Variants in ZFPM2 observed in about 807,000 individuals in gnomAD.
The protein encoded by ZFPM2 is zinc finger protein ZFPM2.
A neutral mutation model predicts 98.6 loss-of-function variants in ZFPM2; 20 were observed. That is an observed-to-expected ratio of 0.20 (90% CI 0.14 to 0.29). The LOEUF is 0.29. ZFPM2 is among the 10% of genes least tolerant of loss of function. ZFPM2 has a pLI of 1.00. For missense variants in ZFPM2, 1,310 were observed against 1,388.6 expected (o/e 0.94, Z 0.90); for synonymous variants, 518 against 502.7 (o/e 1.03, Z -0.41).
rs538838658 is a variant in ZFPM2 at position 105,521,111 on chromosome 8, GTGTA to G, written c.302-40248_302-40245del. On this transcript the variant is annotated intron_variant, in intron 3 of 7. Transcript: ENST00000407775. ...TGCTGTCTGAAATCCTGTAAAATTTGTGTATGTGTGTATATATATATACACACAC... is the reference window on the plus strand; with the variant it reads ...TGCTGTCTGAAATCCTGTAAAATTTGTGTGTGTATATATATATACACACAC... 2.3e-3 allele frequency among the ~76,000 whole-genome samples: 336 copies of G among 143,498 alleles called. 3 individuals carry two copies. Among genetic ancestry groups the G allele is most frequent in the African/African-American group, 8.8e-3 (319 of 36,314 alleles). The allele number at this position is 143,498 out of a possible 152,430, so 94.1% of individuals were successfully genotyped here. A position where few individuals can be genotyped will look rare whatever the true frequency, so the allele number is the denominator to read the frequency against.
chr8:105,768,130 C>T (rs1812897033), intron 5 of ZFPM2, among the ~76,000 whole-genome samples: 1 of 151,734 alleles, frequency 6.6e-6, no homozygotes, highest in Non-Finnish European at 1.5e-5. Flanking sequence ...CTCTCCGTCT[C>T]TCTTTACTTT....
chr8:105,749,318 G>C (rs1812422318), intron 5 of ZFPM2, among the ~76,000 whole-genome samples: 1 of 151,918 alleles, frequency 6.6e-6, no homozygotes, highest in South Asian at 2.1e-4. Context: ...GAAAATGATA[G>C]ATTTAAAAAA....
At chr8:105,400,235 C>A (rs1811310708) in intron 1 of ZFPM2, among the ~76,000 whole-genome samples, 1 of 151,744 alleles carries the variant, frequency 6.6e-6, no homozygotes, top group African/African-American at 2.4e-5. Context: ...TTTAAAAAAT[C>A]TGAAATTTAT....
At chr8:105,493,243 C>G (rs1311137912) in intron 3 of ZFPM2, among the ~76,000 whole-genome samples, 1 of 152,150 alleles carries the variant, frequency 6.6e-6, no homozygotes, top group Non-Finnish European at 1.5e-5. Flanking sequence ...GCTTCTGTTT[C>G]TTTCAGCACC....
At chr8:105,727,421 G>C (rs763289508) in intron 5 of ZFPM2, among the ~76,000 whole-genome samples, 7 of 151,626 alleles carry the variant, frequency 4.6e-5, no homozygotes, top group Non-Finnish European at 5.9e-5. Flanking sequence ...TGTACTATGC[G>C]ATCTCCTACT....
intron 3 of ZFPM2, among the ~76,000 whole-genome samples, chr8:105,463,401 T>G (rs745777506): frequency 5.9e-5 from 9 of 151,904 alleles, no homozygotes; most frequent in Non-Finnish European, 7.4e-5. Flanking sequence ...AGTGTGTGTG[T>G]ATGTGTGTGT....
intron 1 of ZFPM2, among the ~76,000 whole-genome samples, chr8:105,371,580 C>T (rs1458331174): frequency 2.6e-5 from 4 of 152,058 alleles, no homozygotes; most frequent in Non-Finnish European, 4.4e-5. Context: ...GTAAACAGAT[C>T]GAGATATACA....
At chr8:105,360,633 C>T in intron 1 of ZFPM2, among the ~76,000 whole-genome samples, 1 of 133,470 alleles carries the variant, frequency 7.5e-6, no homozygotes, top group Admixed American at 7.8e-5. Context: ...CTCCCCCGAC[C>T]CCACAACAGT....
chr8:105,399,351 G>A (rs2129974677), intron 1 of ZFPM2, among the ~76,000 whole-genome samples: 1 of 152,278 alleles, frequency 6.6e-6, no homozygotes, highest in East Asian at 1.9e-4. Flanking sequence ...GCTCAAAATA[G>A]GGACACAAGA....
intron 3 of ZFPM2, 27 bp downstream of exon 3, chr8:105,444,408 C>T (rs371520954): frequency 1.0e-5 from 16 of 1,541,060 alleles, no homozygotes; most frequent in African/African-American, 5.5e-5. Context: ...AAAATTCAAC[C>T]GTCTTTAGTA....
intron 5 of ZFPM2, among the ~76,000 whole-genome samples, chr8:105,786,835 C>G (rs1813428614): frequency 6.6e-6 from 1 of 152,212 alleles, no homozygotes; most frequent in Non-Finnish European, 1.5e-5. Flanking sequence ...TCTAAAACCT[C>G]AATTTCTCTT....
intron 3 of ZFPM2, among the ~76,000 whole-genome samples, chr8:105,548,890 C>G (rs1298468453): frequency 6.6e-6 from 1 of 152,162 alleles, no homozygotes; most frequent in Non-Finnish European, 1.5e-5. Flanking sequence ...AGCATTGTGA[C>G]TGGCATTGTA....
At chr8:105,434,271 A>G (rs866838298) in intron 2 of ZFPM2, among the ~76,000 whole-genome samples, 4 of 152,232 alleles carry the variant, frequency 2.6e-5, no homozygotes, top group Middle Eastern at 3.4e-3. Context: ...AATCGTGTCT[A>G]TAATTTGGTA....
rs1387236116 is a variant in ZFPM2, at chr8:105,801,517, C to G, written c.1435C>G (p.Leu479Val). The change falls in exon 8 of 8, where the codon CTT becomes GTT. Residue 479 changes from leucine (L) to valine (V), a missense_variant. Transcript: ENST00000407775. The stretch of plus-strand genomic sequence containing the variant: ...AAAGTCTGAGCCCTCTAGCCCAAGA[C>G]TTGCCTCATCTCCAGTTCAGCCTAA... The part of the protein sequence containing the change: ...KIKSEPSSPR[L>V]ASSPVQPNIG... The G allele has an allele frequency of 6.2e-7, 1 of 1,613,972 alleles. No individual in the cohort carries two copies.
chr8:105,802,954 A>G lies in ZFPM2; in HGVS notation c.2872A>G (p.Asn958Asp), dbSNP rs1814084869. The G allele has an allele frequency of 3.1e-6, 5 of 1,612,974 alleles. No individual in the cohort carries two copies. Among genetic ancestry groups the G allele is most frequent in the Non-Finnish European group, 4.2e-6 (5 of 1,179,544 alleles). The change falls in exon 8 of 8, where the codon AAC becomes GAC. Residue 958 changes from asparagine to aspartate, a missense_variant. By Grantham distance (23) the Asn-to-Asp change is conservative (BLOSUM62 1). Coordinates refer to ENST00000407775, the MANE Select transcript of ZFPM2 (RefSeq NM_012082.4). ...AAQLIATKEENRHLFLPQCLY... is the reference protein window; with the variant it reads ...AAQLIATKEEDRHLFLPQCLY... ...TCAGCTCATTGCTACAAAAGAAGAA[A>G]ACAGACATTTGTTTCTTCCACAATG...
intron 1 of ZFPM2, among the ~76,000 whole-genome samples, chr8:105,364,459 A>G (rs1810470824): frequency 6.6e-6 from 1 of 152,090 alleles, no homozygotes; most frequent in Admixed American, 6.6e-5. Flanking sequence ...GAAATTTTAT[A>G]TATATTCATC....
intron 4 of ZFPM2, among the ~76,000 whole-genome samples, chr8:105,612,123 A>G (rs1816319740): frequency 6.6e-6 from 1 of 152,158 alleles, no homozygotes; most frequent in Non-Finnish European, 1.5e-5. Context: ...GCAGTTCTTT[A>G]CTCATTAAGA....
chr8:105,403,992 A>AAACAACAACAACAACAACAAC, intron 1 of ZFPM2, among the ~76,000 whole-genome samples: 1 of 147,730 alleles, frequency 6.8e-6, no homozygotes, highest in East Asian at 2.0e-4. Flanking sequence ...ATTGGTGTTA[A>AAACAACAACAACAACAACAAC]AACAACAACA....
chr8:105,322,706 G>A (rs1812050328), intron 1 of ZFPM2, among the ~76,000 whole-genome samples: 1 of 151,972 alleles, frequency 6.6e-6, no homozygotes, highest in Non-Finnish European at 1.5e-5. Flanking sequence ...TGAATTAAGA[G>A]GCAGAATGTT....
Sources: allele counts gnomAD v4.1 joint callset (sites outside exome capture counted in the v4.1 genomes callset), GRCh38; gene constraint gnomAD v4.1.1; transcripts MANE v1.5; gene names NCBI Gene and HGNC (gene_info 2026-07-23, HGNC 2026-07-21).